Variants in UBE4B observed in about 807,000 individuals in gnomAD.
UBE4B encodes ubiquitin conjugation factor E4 B.
UBE4B carries 27 observed loss-of-function variants against 148.1 expected under a neutral mutation model. That is an observed-to-expected ratio of 0.18 (90% CI 0.13 to 0.25). UBE4B has a LOEUF of 0.25. UBE4B is among the 10% of genes least tolerant of loss of function. The pLI is 1.00. For synonymous variants in UBE4B, 596 were observed against 619.3 expected (o/e 0.96, Z 0.56); for missense variants, 1,170 against 1,662.4 (o/e 0.70, Z 5.15).
At chr1:10,174,065 CAT>C (rs915911350) in intron 25 of UBE4B, among the ~76,000 whole-genome samples, 5 of 152,198 alleles carry the variant, frequency 3.3e-5, no homozygotes, top group African/African-American at 4.8e-5. Flanking sequence ...AACAAACACA[CAT>C]GTGCCAGTGA....
intron 7 of UBE4B, among the ~76,000 whole-genome samples, chr1:10,107,032 T>C (rs1015920938): frequency 2.2e-4 from 33 of 152,174 alleles, no homozygotes; most frequent in African/African-American, 7.7e-4. Flanking sequence ...AGAATTCCAC[T>C]AATCCAGTGG....
chr1:10,120,354 C>G (rs1000872060), intron 9 of UBE4B, among the ~76,000 whole-genome samples: 1 of 152,072 alleles, frequency 6.6e-6, no homozygotes, highest in African/African-American at 2.4e-5. Flanking sequence ...AATTCCGTCT[C>G]TACTAAAAAT....
chr1:10,123,738 T>A (rs947322597), intron 10 of UBE4B, among the ~76,000 whole-genome samples: 1 of 152,136 alleles, frequency 6.6e-6, no homozygotes, highest in African/African-American at 2.4e-5. Flanking sequence ...AAGATGAAAT[T>A]CATATAACAT....
intron 1 of UBE4B, among the ~76,000 whole-genome samples, chr1:10,057,724 T>G (rs1440083645): frequency 1.4e-5 from 2 of 147,784 alleles, no homozygotes; most frequent in African/African-American, 5.0e-5. Flanking sequence ...AACAAGACCC[T>G]GTCTCACAGA....
At chr1:10,081,872 C>G (rs1482248685) in intron 2 of UBE4B, among the ~76,000 whole-genome samples, 1 of 152,076 alleles carries the variant, frequency 6.6e-6, no homozygotes, top group Admixed American at 6.6e-5. Context: ...TGCCACCATG[C>G]CCATCCTAAT....
chr1:10,171,374 T>C (rs751303677), intron 25 of UBE4B, 45 bp downstream of exon 25: 2 of 1,592,328 alleles, frequency 1.3e-6, no homozygotes, highest in Non-Finnish European at 1.7e-6. Flanking sequence ...CTGGCAGATT[T>C]GGAGATAATA....
Position 10,106,468 on chromosome 1 carries a change from C to T in UBE4B, c.1081C>T (p.Gln361Ter). ...PSPPALASSP[Q>*]AVPASSSRQR... ...TCCCCCTGCCCTCGCCAGTAGCCCC[C>T]AAGCAGTGCCCGCCAGCAGTTCCAG... is the stretch of plus-strand genomic sequence containing the variant. Residue 361 changes from glutamine (Q) to a stop codon, truncating the protein, a stop_gained, in exon 7 of 28, where the codon CAA becomes TAA. Transcript: ENST00000343090. LOFTEE classifies it high-confidence loss of function. This position sits in a 1 kb window ranked among gnomAD's most constrained non-coding sequence, Gnocchi z 4.2. 2 of 1,613,924 alleles carry T rather than the reference C, an allele frequency of 1.2e-6. No homozygotes were observed. Among genetic ancestry groups the T allele is most frequent in the Non-Finnish European group, 1.7e-6 (2 of 1,179,986 alleles).
Position 10,107,262 on chromosome 1 carries a change from T to C in UBE4B, c.1196+679T>C, listed in dbSNP as rs1304114891. ...TTTCTCCTTCCTCTTCCTCGCACTT[T>C]CTGGGGACAGTAGTGATGAAGAAGA... On this transcript the variant is annotated intron_variant, in intron 7 of 27. Coordinates refer to ENST00000343090, the MANE Select transcript of UBE4B (RefSeq NM_001105562.3). 6 of 1,289,522 alleles carry C rather than the reference T, an allele frequency of 4.7e-6. No individual in the cohort carries two copies. In the Admixed American group the frequency reaches 6.9e-5, roughly 15 times the overall value. The allele number at this position is 1,289,522 out of a possible 1,614,324, so 79.9% of individuals were successfully genotyped here. A position where few individuals can be genotyped will look rare whatever the true frequency, so the allele number is the denominator to read the frequency against.
intron 4 of UBE4B, among the ~76,000 whole-genome samples, chr1:10,102,493 C>T (rs1425851560): frequency 7.1e-6 from 1 of 141,366 alleles, no homozygotes; most frequent in East Asian, 2.2e-4. Flanking sequence ...TCACCACAAC[C>T]TCCGCCTCCT....
chr1:10,079,672 G>T (rs556453165), intron 2 of UBE4B, among the ~76,000 whole-genome samples: 24 of 152,256 alleles, frequency 1.6e-4, no homozygotes, highest in Middle Eastern at 6.8e-3. Context: ...TCTGCTCTGG[G>T]AGCAGAAATG....
intron 1 of UBE4B, among the ~76,000 whole-genome samples, chr1:10,064,247 C>T (rs994750815): frequency 6.6e-6 from 1 of 152,010 alleles, no homozygotes; most frequent in African/African-American, 2.4e-5. Context: ...GTATGTGGTT[C>T]GATTTTCAAA....
Position 10,048,942 on chromosome 1 carries a change from T to C in UBE4B, c.24+15248T>C, listed in dbSNP as rs116272747. 8.0e-3 allele frequency among the ~76,000 whole-genome samples: 1,215 copies of C among 152,336 alleles called. 12 individuals are homozygous for C. Among genetic ancestry groups the C allele is most frequent in the African/African-American group, 0.027 (1,119 of 41,578 alleles). ...TCTCTGCTATAATCACTACTTTCTT[T>C]ATTCATTCAACACTCTGTTTCTCTC... On this transcript the variant is annotated intron_variant, in intron 1 of 27. Transcript: ENST00000343090.
chr1:10,115,338 GCTCACAGCA>G (rs1645291321), intron 7 of UBE4B, among the ~76,000 whole-genome samples: 1 of 151,666 alleles, frequency 6.6e-6, no homozygotes, highest in Non-Finnish European at 1.5e-5. Context: ...TGTGATCTCA[GCTCACAGCA>G]GCCTCTGCCT....
At chr1:10,102,088 C>A (rs868815841) in intron 4 of UBE4B, among the ~76,000 whole-genome samples, 1 of 151,164 alleles carries the variant, frequency 6.6e-6, no homozygotes, top group Admixed American at 6.6e-5. Context: ...TTGGAAGTTG[C>A]ACTGTAAACA....
intron 7 of UBE4B, among the ~76,000 whole-genome samples, chr1:10,113,784 C>A (rs890361029): frequency 6.6e-6 from 1 of 152,056 alleles, no homozygotes; most frequent in Middle Eastern, 3.4e-3. Flanking sequence ...AGATGCTTTT[C>A]GGCCGGACGC....
intron 1 of UBE4B, among the ~76,000 whole-genome samples, chr1:10,050,208 A>C (rs997509959): frequency 2.0e-5 from 3 of 152,054 alleles, no homozygotes; most frequent in Non-Finnish European, 4.4e-5. Flanking sequence ...AGTAGCTGGG[A>C]TTACAGGCAT....
At chr1:10,042,759 C>T (rs1475515465) in intron 1 of UBE4B, among the ~76,000 whole-genome samples, 1 of 152,110 alleles carries the variant, frequency 6.6e-6, no homozygotes, top group Non-Finnish European at 1.5e-5. Flanking sequence ...TTTCTGTGGC[C>T]TACAGGTACA....
chr1:10,171,126 G>A lies in UBE4B; in HGVS notation c.3334-12G>A. ...ACAGCATGAATTGTCCTATTATCCT[G>A]TGATTTCCTAGGAGCTTGGACCCCG... On this transcript the variant is annotated splice_polypyrimidine_tract_variant and intron_variant, in intron 24 of 27. Transcript: ENST00000343090. 2 of 1,611,738 alleles carry A rather than the reference G, an allele frequency of 1.2e-6. No individual in the cohort carries two copies. Among genetic ancestry groups the A allele is most frequent in the Non-Finnish European group, 8.5e-7 (1 of 1,178,740 alleles).
At position 10,040,786 on chromosome 1, in the gene UBE4B, T is replaced by G. The variant is rs6688765; in HGVS notation, c.24+7092T>G. On this transcript the variant is annotated intron_variant, in intron 1 of 27. Coordinates refer to ENST00000343090, the MANE Select transcript of UBE4B (RefSeq NM_001105562.3). ...GCATGTACCACCATGCCTGGCTAAT[T>G]TTTTTGTATTTTTATTAGAGACGGG... is the stretch of plus-strand genomic sequence containing the variant. 4.8e-3 allele frequency among the ~76,000 whole-genome samples: 723 copies of G among 151,812 alleles called. 9 individuals carry two copies. The highest frequency in any genetic ancestry group is 0.016 in the African/African-American group (679 of 41,416).
Sources: gnomAD v4.1 joint callset for allele counts (sites outside exome capture counted in the v4.1 genomes callset) on GRCh38, gnomAD v4.1.1 for gene constraint, Gnocchi (gnomAD v3.1) non-coding constraint, MANE v1.5 for transcripts, NCBI Gene and HGNC (gene_info 2026-07-23, HGNC 2026-07-21) for gene names.